Variants in RARB observed in about 807,000 individuals in gnomAD.
The protein encoded by RARB is HBV-activated protein.
Under a neutral mutation model 51.9 loss-of-function variants are expected in RARB, and 17 were observed. That is an observed-to-expected ratio of 0.33 (90% CI 0.22 to 0.49). RARB has a LOEUF of 0.49. Among genes scored for constraint, RARB ranks in the 20% least tolerant of loss-of-function variants. The pLI is 0.99. For synonymous variants in RARB, 215 were observed against 195.4 expected (o/e 1.10, Z -0.84); for missense variants, 369 against 550.8 (o/e 0.67, Z 3.30).
intron 5 of RARB, among the ~76,000 whole-genome samples, chr3:25,392,900 C>T (rs1559382957): frequency 1.3e-5 from 2 of 152,066 alleles, no homozygotes; most frequent in Admixed American, 6.6e-5. Context: ...TGTCTGATTG[C>T]TCTGGCTAGG....
chr3:25,160,351 A>T (rs1286698690), intron 4 of RARB, among the ~76,000 whole-genome samples: 5 of 152,144 alleles, frequency 3.3e-5, no homozygotes, highest in African/African-American at 9.7e-5. Context: ...CTCTTGCCTT[A>T]CCTCTTGACA....
chr3:24,936,777 A>AAT (rs199745367), intron 2 of RARB, among the ~76,000 whole-genome samples: 3,012 of 152,298 alleles, frequency 0.02, 58 homozygotes, highest in Middle Eastern at 0.065. Context: ...GATAGCTATA[A>AAT]ATTATATTAG....
chr3:25,046,749 C>T (rs945225878), intron 2 of RARB, among the ~76,000 whole-genome samples: 1 of 152,154 alleles, frequency 6.6e-6, no homozygotes, highest in African/African-American at 2.4e-5. Flanking sequence ...ACCACCACTC[C>T]TGGCCTATAA....
chr3:24,971,966 C>G (rs1400602431), intron 2 of RARB, among the ~76,000 whole-genome samples: 1 of 136,330 alleles, frequency 7.3e-6, no homozygotes, highest in Non-Finnish European at 1.6e-5. Context: ...TCAGGGTAAT[C>G]TGTCACCTTA....
intron 5 of RARB, among the ~76,000 whole-genome samples, chr3:25,309,129 A>ATTTTTTT (rs1171133293): frequency 1.1e-5 from 1 of 93,008 alleles, no homozygotes; most frequent in Non-Finnish European, 2.0e-5. Context: ...CTGTGCCTCC[A>ATTTTTTT]TTTTTTTTTT....
intron 5 of RARB, among the ~76,000 whole-genome samples, chr3:25,379,128 G>T (rs532252499): frequency 6.6e-6 from 1 of 152,258 alleles, no homozygotes; most frequent in African/African-American, 2.4e-5. Context: ...TTAATGGTCT[G>T]TTTAGATAGC....
rs555621633 is a variant in RARB at position 25,440,453 on chromosome 3, A to T, written c.157+11565A>T. The stretch of plus-strand genomic sequence containing the variant: ...CAGAGGGAGATCCTGTCTAAAAAAT[A>T]AAAAAAAAAAAAGAAATTTATTTAA... On this transcript the variant is annotated intron_variant, in intron 1 of 7. Coordinates refer to ENST00000330688, the MANE Select transcript of RARB (RefSeq NM_000965.5). Among the ~76,000 whole-genome samples, 40 of 132,006 alleles carry T rather than the reference A, an allele frequency of 3.0e-4. No individual in the cohort carries two copies. In the East Asian group the frequency reaches 5.5e-3, roughly 18 times the overall value. The allele number at this position is 132,006 out of a possible 152,430, so 86.6% of individuals were successfully genotyped here.
chr3:25,364,727 C>A (rs530415124), intron 5 of RARB, among the ~76,000 whole-genome samples: 40 of 152,312 alleles, frequency 2.6e-4, no homozygotes, highest in African/African-American at 8.7e-4. Flanking sequence ...ACATGAGGAA[C>A]CATATCCAGT....
At chr3:24,951,667 G>A (rs952740981) in intron 2 of RARB, among the ~76,000 whole-genome samples, 12 of 152,314 alleles carry the variant, frequency 7.9e-5, no homozygotes, top group Non-Finnish European at 1.6e-4. Context: ...AAAAGGATGT[G>A]TCTATAGATA....
intron 5 of RARB, among the ~76,000 whole-genome samples, chr3:25,399,684 C>G (rs1459461421): frequency 6.6e-6 from 1 of 152,150 alleles, no homozygotes; most frequent in Non-Finnish European, 1.5e-5. Context: ...GCTTGTGAAG[C>G]TACCATAGCT....
chr3:24,887,772 C>T (rs1346943025), intron 2 of RARB, among the ~76,000 whole-genome samples: 1 of 152,128 alleles, frequency 6.6e-6, no homozygotes, highest in African/African-American at 2.4e-5. Flanking sequence ...CCTCTTGTCA[C>T]TTGGGAGGAA....
intron 5 of RARB, among the ~76,000 whole-genome samples, chr3:25,259,549 A>G (rs571036892): frequency 6.6e-6 from 1 of 152,280 alleles, no homozygotes; most frequent in East Asian, 1.9e-4. Flanking sequence ...GACTGCCTAC[A>G]GCAGAGCATT....
At chr3:25,083,106 A>T (rs892475349) in intron 3 of RARB, among the ~76,000 whole-genome samples, 1 of 147,412 alleles carries the variant, frequency 6.8e-6, no homozygotes, top group African/African-American at 2.6e-5. Flanking sequence ...ATCTTTTAGC[A>T]TTTTAAATAT....
At chr3:25,252,663 A>G (rs2125402653) in intron 5 of RARB, among the ~76,000 whole-genome samples, 1 of 152,332 alleles carries the variant, frequency 6.6e-6, no homozygotes. Flanking sequence ...TTGCCAGTTT[A>G]TAGAACTACA....
chr3:25,524,005 C>T (rs1485903281), intron 3 of RARB, among the ~76,000 whole-genome samples: 3 of 152,178 alleles, frequency 2.0e-5, no homozygotes, highest in Non-Finnish European at 4.4e-5. Flanking sequence ...ATGCCTAAGG[C>T]TGAAGCACAA....
At position 25,412,124 on chromosome 3, in the gene RARB, T is replaced by C. The variant is rs138936785; in HGVS notation, c.179-49069T>C. Among the ~76,000 whole-genome samples the C allele has an allele frequency of 4.1e-3, 632 of 152,366 alleles. 4 individuals are homozygous for C. Among genetic ancestry groups the C allele is most frequent in the Non-Finnish European group, 7.1e-3 (485 of 68,042 alleles). On this transcript the variant is annotated intron_variant, in intron 5 of 11. Transcript: ENST00000383772. ...AAATTATCTAATGGCTCTTGGCTTC[T>C]AATAAAACTTGTAGTCAAAGTGCTT...
chr3:25,368,163 C>CT, intron 5 of RARB, among the ~76,000 whole-genome samples: 1 of 151,938 alleles, frequency 6.6e-6, no homozygotes, highest in Admixed American at 6.6e-5. Flanking sequence ...GTTGTTTTTC[C>CT]TTTTTAATGT....
At chr3:25,105,738 C>T (rs1390692233) in intron 3 of RARB, among the ~76,000 whole-genome samples, 2 of 152,106 alleles carry the variant, frequency 1.3e-5, no homozygotes, top group Non-Finnish European at 2.9e-5. Flanking sequence ...TTTCCATAGC[C>T]TGGCCAGTCT....
chr3:25,011,504 A>G (rs1207412144), intron 2 of RARB, among the ~76,000 whole-genome samples: 1 of 152,142 alleles, frequency 6.6e-6, no homozygotes, highest in Non-Finnish European at 1.5e-5. Flanking sequence ...ATTAGGAATT[A>G]TCTTGTCTGC....
Sources: allele counts gnomAD v4.1 joint callset (sites outside exome capture counted in the v4.1 genomes callset), GRCh38; gene constraint gnomAD v4.1.1; transcripts MANE v1.5; gene names NCBI Gene and HGNC (gene_info 2026-07-23, HGNC 2026-07-21).